The following ATP10B variants were observed in gnomAD, a reference collection of about 807,000 sequenced individuals.
The protein encoded by ATP10B is ATPase phospholipid transporting 10B (putative).
A neutral mutation model predicts 141.2 loss-of-function variants in ATP10B; 122 were observed. The ratio of observed to expected loss-of-function variants is 0.86; its 90% CI spans 0.75 to 1.00. The LOEUF (loss-of-function observed/expected upper bound fraction) is 1.00, where lower values mean the gene tolerates loss of function less well. Ranked by LOEUF, ATP10B falls within the 50% of genes least tolerant of loss-of-function variation. The pLI is 0.00. For synonymous variants in ATP10B, 685 were observed against 692.0 expected (o/e 0.99, Z 0.16); for missense variants, 1,876 against 1,825.3 (o/e 1.03, Z -0.51).
At chr5:160,655,308 C>A (rs768085474) in intron 7 of ATP10B, among the ~76,000 whole-genome samples, 1 of 150,670 alleles carries the variant, frequency 6.6e-6, no homozygotes, top group Non-Finnish European at 1.5e-5. Context: ...TTTGGCCACT[C>A]CCTCTATGAA....
chr5:160,814,078 C>G (rs1330369539), intron 1 of ATP10B, among the ~76,000 whole-genome samples: 1 of 152,214 alleles, frequency 6.6e-6, no homozygotes, highest in African/African-American at 2.4e-5. Flanking sequence ...CAGAGCACCT[C>G]TCCTCCTTCG....
chr5:160,784,352 C>A (rs553666651), intron 2 of ATP10B, among the ~76,000 whole-genome samples: 2 of 152,290 alleles, frequency 1.3e-5, no homozygotes, highest in East Asian at 3.9e-4. Flanking sequence ...AGGTAATTTT[C>A]AGGCAACAAC....
chr5:160,772,721 T>C (rs1316714669), intron 2 of ATP10B, among the ~76,000 whole-genome samples: 1 of 152,144 alleles, frequency 6.6e-6, no homozygotes, highest in East Asian at 1.9e-4. Flanking sequence ...GCTGCTCACC[T>C]CCTACTATGC....
chr5:160,565,405 C>A lies in ATP10B; in HGVS notation c.*48G>T, dbSNP rs769420702. On this transcript the variant is annotated 3_prime_UTR_variant, in exon 26 of 26. Coordinates refer to ENST00000327245, the MANE Select transcript of ATP10B (RefSeq NM_025153.3). ...AGAAGGGGTCAAGGGTTATGTGGAC[C>A]AGTGACTAGGTGGCCTCTGTTGAGT... 12 of 1,570,156 alleles carry A rather than the reference C, an allele frequency of 7.6e-6. No individual in the cohort carries two copies. The East Asian group carries it at 1.6e-4, about 21-fold the overall frequency.
rs184664942 is a variant in ATP10B, at chr5:160,733,151, T to C, written c.-330-16117A>G. Among the ~76,000 whole-genome samples the C allele has an allele frequency of 3.9e-5, 6 of 152,332 alleles. No homozygotes were observed. The East Asian group carries it at 9.6e-4, about 24-fold the overall frequency. On this transcript the variant is annotated intron_variant, in intron 2 of 25. Coordinates refer to ENST00000327245, the MANE Select transcript of ATP10B (RefSeq NM_025153.3). ...TTCTTTCAACTGTGTTTTGTAGTTT[T>C]CATTGTAGAGATTTTCACCTGCTCG...
intron 1 of ATP10B, among the ~76,000 whole-genome samples, chr5:160,786,109 C>CT (rs967128689): frequency 4.6e-5 from 7 of 152,128 alleles, no homozygotes; most frequent in Non-Finnish European, 8.8e-5. Context: ...TGCATTTCAT[C>CT]TTTTTTGTCA....
At chr5:160,920,573 T>A in the ATP10B span, among the ~76,000 whole-genome samples, 1 of 152,300 alleles carries the variant, frequency 6.6e-6, no homozygotes, top group East Asian at 1.9e-4. Context: ...ACAAAATGGG[T>A]CCTGTTTAAC....
chr5:160,728,468 C>A (rs1408021817), intron 2 of ATP10B, among the ~76,000 whole-genome samples: 1 of 152,178 alleles, frequency 6.6e-6, no homozygotes, highest in Non-Finnish European at 1.5e-5. Flanking sequence ...CGGGTGGCAA[C>A]ACTGTGTATG....
intron 1 of ATP10B, among the ~76,000 whole-genome samples, chr5:160,788,813 A>G (rs1561854958): frequency 6.6e-6 from 1 of 152,204 alleles, no homozygotes; most frequent in Admixed American, 6.5e-5. Context: ...GCCAGAGAAC[A>G]TAAGTAAGTT....
At chr5:160,610,016 T>C (rs954985403) in intron 18 of ATP10B, among the ~76,000 whole-genome samples, 1 of 152,226 alleles carries the variant, frequency 6.6e-6, no homozygotes, top group Non-Finnish European at 1.5e-5. Flanking sequence ...ACTGAACATT[T>C]AGTATACCTC....
chr5:160,687,466 T>TA (rs1763825911), intron 5 of ATP10B, among the ~76,000 whole-genome samples: 1 of 152,190 alleles, frequency 6.6e-6, no homozygotes, highest in South Asian at 2.1e-4. Context: ...AATACTTGTT[T>TA]AAAATATGTA....
At chr5:160,577,651 AT>A (rs1371128435) in intron 24 of ATP10B, among the ~76,000 whole-genome samples, 1 of 152,210 alleles carries the variant, frequency 6.6e-6, no homozygotes. Context: ...AGCAAAAGGT[AT>A]TTAGAATTTC....
intron 24 of ATP10B, 21 bp from the exon 25 acceptor site, chr5:160,569,704 A>T: frequency 6.5e-7 from 1 of 1,528,836 alleles, no homozygotes; most frequent in Non-Finnish European, 8.8e-7. Context: ...AAATAAGCAA[A>T]CACTGTTGAA....
intron 1 of ATP10B, among the ~76,000 whole-genome samples, chr5:160,809,989 C>CT (rs1322225348): frequency 6.6e-6 from 1 of 152,122 alleles, no homozygotes; most frequent in Non-Finnish European, 1.5e-5. Flanking sequence ...GTCAGGTAAC[C>CT]TAAAGCTTTC....
intron 12 of ATP10B, 107 bp downstream of exon 12, chr5:160,634,247 C>G: frequency 6.5e-7 from 1 of 1,531,004 alleles, no homozygotes; most frequent in African/African-American, 1.4e-5. Context: ...GGAAATGCCA[C>G]ACAGCCTCTA....
At chr5:160,857,780 G>A in the ATP10B span, among the ~76,000 whole-genome samples, 1 of 151,696 alleles carries the variant, frequency 6.6e-6, no homozygotes, top group South Asian at 2.1e-4. Context: ...ATTTAGATGT[G>A]TATAGTTTAA....
At chr5:160,782,438 T>TAC (rs57112303) in intron 2 of ATP10B, among the ~76,000 whole-genome samples, 15,823 of 140,898 alleles carry the variant, frequency 0.11, 982 homozygotes, top group African/African-American at 0.18. Flanking sequence ...TCTTCCTCCA[T>TAC]ACACACACAC....
the ATP10B span, among the ~76,000 whole-genome samples, chr5:160,857,465 C>A: frequency 6.6e-6 from 1 of 151,738 alleles, no homozygotes; most frequent in Non-Finnish European, 1.5e-5. Context: ...ATTTGTTGAT[C>A]TTTTAAAAGA....
intron 1 of ATP10B, among the ~76,000 whole-genome samples, chr5:160,818,336 A>G (rs1358364244): frequency 2.6e-5 from 4 of 152,162 alleles, no homozygotes; most frequent in Non-Finnish European, 4.4e-5. Context: ...AAAAGTGGGC[A>G]AAGGATATGA....
Sources: gnomAD v4.1 joint callset for allele counts (sites outside exome capture counted in the v4.1 genomes callset) on GRCh38, gnomAD v4.1.1 for gene constraint, MANE v1.5 for transcripts, NCBI Gene and HGNC (gene_info 2026-07-23, HGNC 2026-07-21) for gene names.